MSL2: variants seen among roughly 807,000 people sequenced by gnomAD.
MSL2 encodes the protein MSL complex subunit 2, also known as E3 ubiquitin-protein ligase MSL2.
MSL2 carries 2 observed loss-of-function variants against 35.8 expected under a neutral mutation model. The ratio of observed to expected loss-of-function variants is 0.06; its 90% CI spans 0.02 to 0.18. The LOEUF (loss-of-function observed/expected upper bound fraction) is 0.18. Ranked by LOEUF, MSL2 falls within the 10% of genes least tolerant of loss-of-function variation. MSL2 has a pLI of 1.00. For missense variants in MSL2, 523 were observed against 706.7 expected (o/e 0.74, Z 2.95); for synonymous variants, 296 against 255.7 (o/e 1.16, Z -1.50).
At chr3:136,169,408 A>T (rs1939954496) in intron 1 of MSL2, among the ~76,000 whole-genome samples, 2 of 152,140 alleles carry the variant, frequency 1.3e-5, no homozygotes, top group South Asian at 4.1e-4. Flanking sequence ...TGTTGGGAAC[A>T]TTCCAAATCC....
intron 1 of MSL2, among the ~76,000 whole-genome samples, chr3:136,178,839 G>A (rs1315953354): frequency 6.6e-6 from 1 of 151,826 alleles, no homozygotes; most frequent in Admixed American, 6.6e-5. Flanking sequence ...CGCCCCGCCA[G>A]CACACACTTT....
At chr3:136,177,692 A>C (rs887151357) in intron 1 of MSL2, among the ~76,000 whole-genome samples, 4 of 151,696 alleles carry the variant, frequency 2.6e-5, no homozygotes, top group Non-Finnish European at 5.9e-5. Flanking sequence ...AAAAAAAAAA[A>C]AAAAAAAAAA....
intron 1 of MSL2, chr3:136,153,072 T>C (rs1559955941): frequency 2.1e-5 from 21 of 985,108 alleles, no homozygotes; most frequent in Non-Finnish European, 2.5e-5. Context: ...AAGCACAAAC[T>C]AGGGTTAAAA....
At chr3:136,155,711 G>T (rs1375166798) in intron 1 of MSL2, 3 of 501,012 alleles carry the variant, frequency 6.0e-6, no homozygotes, top group Non-Finnish European at 8.1e-6. Flanking sequence ...TGTATGCTGG[G>T]GTCCTTTTGT....
At chr3:136,153,441 A>C (rs944269648) in intron 1 of MSL2, among the ~76,000 whole-genome samples, 1 of 152,210 alleles carries the variant, frequency 6.6e-6, no homozygotes, top group Non-Finnish European at 1.5e-5. Context: ...AATTTTTTCA[A>C]CCAGTTTTTA....
In MSL2 at chr3:136,150,527, CAG is replaced by C. The variant is rs1199920569; in HGVS notation, c.*618_*619del. On this transcript the variant is annotated 3_prime_UTR_variant, in exon 2 of 2. Transcript: ENST00000309993. ...TAACAGCTAAACATTTGTAGTCTGACAGAATTTTACTTTTTAAAAAGATTTCT... is the reference window on the plus strand; with the variant it reads ...TAACAGCTAAACATTTGTAGTCTGACAATTTTACTTTTTAAAAAGATTTCT... The C allele has an allele frequency of 6.6e-6, 1 of 152,668 alleles. No homozygotes were observed. The highest frequency in any genetic ancestry group is 1.5e-5 in the Non-Finnish European group (1 of 68,092). The allele number at this position is 152,668 out of a possible 1,614,324, so 9.5% of individuals were successfully genotyped here.
chr3:136,162,634 T>C (rs535721625), intron 1 of MSL2, among the ~76,000 whole-genome samples: 2 of 152,068 alleles, frequency 1.3e-5, no homozygotes, highest in Non-Finnish European at 2.9e-5. Flanking sequence ...CAAAGTGAAA[T>C]AGGAAAACAC....
intron 1 of MSL2, among the ~76,000 whole-genome samples, chr3:136,184,750 A>AGGGGGGG (rs5852838): frequency 1.6e-4 from 12 of 74,630 alleles, no homozygotes; most frequent in African/African-American, 3.2e-4. Flanking sequence ...AAAAAAAAAA[A>AGGGGGGG]GGGGGGGGGG....
intron 1 of MSL2, among the ~76,000 whole-genome samples, chr3:136,167,982 TACCTCAATAAA>T (rs1939899868): frequency 6.6e-6 from 1 of 152,144 alleles, no homozygotes; most frequent in African/African-American, 2.4e-5. Flanking sequence ...ATCTACACAG[TACCTCAATAAA>T]ATATGCTTTA....
chr3:136,188,983 C>T (rs768859617), intron 1 of MSL2, among the ~76,000 whole-genome samples: 4 of 151,444 alleles, frequency 2.6e-5, no homozygotes, highest in Non-Finnish European at 4.4e-5. Context: ...AAAGCAGTAT[C>T]ATCTTGCATA....
At chr3:136,164,620 T>C (rs1939789794) in intron 1 of MSL2, among the ~76,000 whole-genome samples, 1 of 152,114 alleles carries the variant, frequency 6.6e-6, no homozygotes, top group South Asian at 2.1e-4. Context: ...TATCTAACTA[T>C]GTCTCTAAGA....
intron 1 of MSL2, among the ~76,000 whole-genome samples, chr3:136,169,102 A>G (rs963309616): frequency 5.3e-5 from 8 of 151,936 alleles, no homozygotes; most frequent in Non-Finnish European, 8.8e-5. Flanking sequence ...TTATCTTGGA[A>G]AGGCACTCTG....
chr3:136,155,298 A>C (rs971386205), intron 1 of MSL2, among the ~76,000 whole-genome samples: 5 of 152,092 alleles, frequency 3.3e-5, no homozygotes, highest in Non-Finnish European at 5.9e-5. Context: ...TGACGTCAGG[A>C]GTTCAAGACC....
At chr3:136,194,887 C>T in intron 1 of MSL2, 85 bp downstream of exon 1, 1 of 1,579,442 alleles carries the variant, frequency 6.3e-7, no homozygotes, top group Non-Finnish European at 8.6e-7. Flanking sequence ...TACCAACCAC[C>T]AGGCCGTCAA....
rs146908606 is a variant in MSL2, at chr3:136,152,142, A to G, written c.739T>C (p.Cys247Arg). The stretch of plus-strand genomic sequence containing the variant: ...CTGCAGATATCAATGCCTGTGGAAC[A>G]TAAGTCAGTGGCTACTGTGTCACAA... ...PVCDTVATDL[C>R]STGIDICSFS... Residue 247 changes from cysteine (C) to arginine (R), a missense_variant, in exon 2 of 2, where the codon TGT becomes CGT. Physicochemically the swap from Cys to Arg is radical, Grantham distance 180. This residue lies in a region of MSL2 where 361 missense variants were observed against 414.6 expected (regional missense o/e 0.87). Coordinates refer to ENST00000309993, the MANE Select transcript of MSL2 (RefSeq NM_018133.4). 19 of 1,614,114 alleles carry G rather than the reference A, an allele frequency of 1.2e-5. No individual in the cohort carries two copies. The highest frequency in any genetic ancestry group is 4.5e-5 in the East Asian group (2 of 44,906).
chr3:136,195,708 C>G lies in MSL2; in HGVS notation c.-595G>C, dbSNP rs1053297218. On this transcript the variant is annotated 5_prime_UTR_variant, in exon 1 of 2. Transcript: ENST00000309993. ...TTGATGTTGCGGCTGGCGGACGCCG[C>G]CGCCGCGCTCTCCATATCGGACGCG... is the stretch of plus-strand genomic sequence containing the variant. 7 of 985,376 alleles carry G rather than the reference C, an allele frequency of 7.1e-6. No individual in the cohort carries two copies. In the African/African-American group the frequency reaches 1.0e-4, roughly 15 times the overall value. 61.0% of individuals were successfully genotyped at this position (985,376 alleles called of 1,614,324 possible). A position where few individuals can be genotyped will look rare whatever the true frequency, so the allele number is the denominator to read the frequency against.
intron 1 of MSL2, among the ~76,000 whole-genome samples, chr3:136,178,532 CT>C (rs1180948007): frequency 0.015 from 1,983 of 134,822 alleles, 25 homozygotes; most frequent in African/African-American, 0.044. Context: ...TTTACTGGCA[CT>C]TTTTTTTTTT....
intron 1 of MSL2, among the ~76,000 whole-genome samples, chr3:136,191,604 A>ACCCT (rs1195008025): frequency 6.6e-5 from 10 of 152,068 alleles, no homozygotes; most frequent in African/African-American, 2.4e-4. Flanking sequence ...ACACGGTAAG[A>ACCCT]CCCTCTCCCT....
intron 1 of MSL2, among the ~76,000 whole-genome samples, chr3:136,165,893 T>C (rs1939832723): frequency 6.6e-6 from 1 of 151,414 alleles, no homozygotes; most frequent in South Asian, 2.1e-4. Context: ...ACTAAAAGAG[T>C]ATAATGGAAT....
Sources: gnomAD v4.1 joint callset for allele counts (sites outside exome capture counted in the v4.1 genomes callset) on GRCh38, gnomAD v4.1.1 for gene constraint, gnomAD v4.1.1 regional missense constraint, MANE v1.5 for transcripts, NCBI Gene and HGNC (gene_info 2026-07-23, HGNC 2026-07-21) for gene names.